Variants in LRMDA observed in about 807,000 individuals in gnomAD.
The protein encoded by LRMDA is leucine rich melanocyte differentiation associated.
Under a neutral mutation model 29.8 loss-of-function variants are expected in LRMDA, and 18 were observed. The observed-to-expected ratio is 0.60, with a 90% CI of 0.42 to 0.90. LRMDA has a LOEUF of 0.90. Among genes scored for constraint, LRMDA ranks in the 40% least tolerant of loss-of-function variants. LRMDA has a pLI of 0.00. For missense variants in LRMDA, 273 were observed against 273.9 expected, an observed-to-expected ratio of 1.00 and a Z score of 0.02; for synonymous variants, 125 against 109.4, an observed-to-expected ratio of 1.14 and a Z score of -0.89.
chr10:75,761,214 T>A (rs1843089924), intron 2 of LRMDA, among the ~76,000 whole-genome samples: 1 of 152,234 alleles, frequency 6.6e-6, no homozygotes, highest in Non-Finnish European at 1.5e-5. Context: ...AAAGCAGGTC[T>A]TGGACAGATA....
chr10:75,919,476 G>C (rs1453469402), intron 2 of LRMDA, among the ~76,000 whole-genome samples: 1 of 152,180 alleles, frequency 6.6e-6, no homozygotes, highest in Non-Finnish European at 1.5e-5. Context: ...CACTCGTTGA[G>C]CTGTGTGTGG....
intron 6 of LRMDA, among the ~76,000 whole-genome samples, chr10:76,371,411 C>A (rs1841452623): frequency 6.6e-6 from 1 of 152,006 alleles, no homozygotes; most frequent in South Asian, 2.1e-4. Context: ...GTCAAACACA[C>A]TTTATTTTTT....
intron 2 of LRMDA, among the ~76,000 whole-genome samples, chr10:75,945,978 T>C (rs894427673): frequency 3.9e-5 from 6 of 152,206 alleles, no homozygotes. Context: ...TATATCTCTT[T>C]TGTTAGGCCA....
At position 75,997,338 on chromosome 10, in the gene LRMDA, C is replaced by A. The variant is rs116050205; in HGVS notation, c.132-38670C>A. On this transcript the variant is annotated intron_variant, in intron 2 of 6. Transcript: ENST00000611255. ...CCCATGTTATAAATAGTTCTTGAAA[C>A]CCCACTATTTAATAGCTGAATAGTT... Among the ~76,000 whole-genome samples, 621 of 152,244 alleles carry A rather than the reference C, an allele frequency of 4.1e-3. 4 individuals carry two copies. The highest frequency in any genetic ancestry group is 0.014 in the African/African-American group (600 of 41,534).
chr10:75,873,252 T>G (rs2132334366), intron 2 of LRMDA, among the ~76,000 whole-genome samples: 1 of 152,356 alleles, frequency 6.6e-6, no homozygotes, highest in African/African-American at 2.4e-5. Flanking sequence ...CAATTTACAT[T>G]CTATCATTTC....
chr10:76,090,633 A>G (rs1027507323), intron 5 of LRMDA, among the ~76,000 whole-genome samples: 4 of 152,202 alleles, frequency 2.6e-5, no homozygotes, highest in African/African-American at 7.2e-5. Context: ...CAAAGGAACT[A>G]TTGACAGATG....
intron 1 of LRMDA, among the ~76,000 whole-genome samples, chr10:75,433,589 G>C (rs1844230433): frequency 6.6e-6 from 1 of 152,048 alleles, no homozygotes; most frequent in African/African-American, 2.4e-5. Flanking sequence ...TCTGCTCCCA[G>C]CGATTTCTAA....
At chr10:75,914,118 G>A (rs1589251441) in intron 2 of LRMDA, among the ~76,000 whole-genome samples, 1 of 152,246 alleles carries the variant, frequency 6.6e-6, no homozygotes, top group Non-Finnish European at 1.5e-5. Flanking sequence ...CAACCATGGT[G>A]AGAAGACTGC....
At chr10:75,966,530 G>A (rs1384218474) in intron 2 of LRMDA, among the ~76,000 whole-genome samples, 2 of 152,200 alleles carry the variant, frequency 1.3e-5, no homozygotes, top group Non-Finnish European at 2.9e-5. Flanking sequence ...CATGAAGGCA[G>A]GGGTCCTTGT....
intron 2 of LRMDA, among the ~76,000 whole-genome samples, chr10:75,502,027 GTCCTGCCATCAT>G (rs1845119349): frequency 1.3e-5 from 2 of 152,170 alleles, no homozygotes; most frequent in African/African-American, 4.8e-5. Flanking sequence ...GGAACTGTGT[GTCCTGCCATCAT>G]TCAGGGGCCC....
In LRMDA at chr10:75,431,682, G is replaced by T. The variant is rs1003903756; in HGVS notation, c.-43G>T. 5 of 1,266,222 alleles carry T rather than the reference G, an allele frequency of 3.9e-6. No homozygotes were observed. The African/African-American group carries it at 6.2e-5, about 16-fold the overall frequency. 78.4% of individuals were successfully genotyped at this position (1,266,222 alleles called of 1,614,324 possible). ...CCGCGCTCCCCGCTGCTGCCGCCGCGCCCCCGCGCTCCGTCCCGCGCGCCC... is the reference window on the plus strand; with the variant it reads ...CCGCGCTCCCCGCTGCTGCCGCCGCTCCCCCGCGCTCCGTCCCGCGCGCCC... On this transcript the variant is annotated 5_prime_UTR_variant, in exon 1 of 7. Coordinates refer to ENST00000611255, the MANE Select transcript of LRMDA (RefSeq NM_001305581.2).
chr10:75,612,446 A>T (rs994528844), intron 2 of LRMDA, among the ~76,000 whole-genome samples: 1 of 152,138 alleles, frequency 6.6e-6, no homozygotes, highest in Admixed American at 6.6e-5. Flanking sequence ...TACTTGAATG[A>T]TCTTTTATAA....
intron 6 of LRMDA, among the ~76,000 whole-genome samples, chr10:76,333,910 G>A (rs1181024900): frequency 6.6e-6 from 1 of 152,216 alleles, no homozygotes; most frequent in Non-Finnish European, 1.5e-5. Context: ...CCAGCATGGT[G>A]TGTGGGAGGC....
chr10:76,283,347 G>A (rs182480573), intron 5 of LRMDA, among the ~76,000 whole-genome samples: 18 of 152,286 alleles, frequency 1.2e-4, no homozygotes, highest in African/African-American at 4.3e-4. Flanking sequence ...CACGAGTGGT[G>A]CACCTGTTGT....
chr10:75,853,433 G>GTGTGT (rs1844766533), intron 2 of LRMDA, among the ~76,000 whole-genome samples: 3 of 147,508 alleles, frequency 2.0e-5, no homozygotes, highest in African/African-American at 7.5e-5. Context: ...AAAGAAGAGG[G>GTGTGT]GTGTGTGTGT....
At chr10:75,894,694 A>G (rs12573613) in intron 2 of LRMDA, among the ~76,000 whole-genome samples, 10,359 of 152,248 alleles carry the variant, frequency 0.068, 718 homozygotes, top group East Asian at 0.31. Context: ...TGAGAATGCC[A>G]TAAGATGGGG....
intron 3 of LRMDA, among the ~76,000 whole-genome samples, chr10:76,045,371 T>TTTGC (rs1446742712): frequency 3.2e-4 from 48 of 149,678 alleles, no homozygotes; most frequent in African/African-American, 1.1e-3. Flanking sequence ...CTCCCTCTGG[T>TTTGC]TAGTTTCCTT....
At chr10:76,510,944 C>T (rs1843004075) in intron 6 of LRMDA, among the ~76,000 whole-genome samples, 1 of 152,132 alleles carries the variant, frequency 6.6e-6, no homozygotes, top group African/African-American at 2.4e-5. Flanking sequence ...AGGATTCTTC[C>T]TTTGAAGACC....
chr10:76,009,375 A>T (rs1040461231), intron 2 of LRMDA, among the ~76,000 whole-genome samples: 1 of 152,228 alleles, frequency 6.6e-6, no homozygotes, highest in African/African-American at 2.4e-5. Context: ...GAATTAAGTA[A>T]GGAAAATAGC....
Sources: gnomAD v4.1 joint callset for allele counts (sites outside exome capture counted in the v4.1 genomes callset) on GRCh38, gnomAD v4.1.1 for gene constraint, MANE v1.5 for transcripts, NCBI Gene and HGNC (gene_info 2026-07-23, HGNC 2026-07-21) for gene names.